CORO7: variants seen among roughly 807,000 people sequenced by gnomAD.
The protein encoded by CORO7 is coronin-7.
Under a neutral mutation model 126.6 loss-of-function variants are expected in CORO7, and 107 were observed. That is an observed-to-expected ratio of 0.85 (90% CI 0.72 to 0.99). The LOEUF is 0.99. Ranked by LOEUF, CORO7 falls within the 50% of genes least tolerant of loss-of-function variation. The pLI is 0.00. For missense variants in CORO7, 1,314 were observed against 1,255.8 expected (o/e 1.05, Z -0.70); for synonymous variants, 603 against 536.8 (o/e 1.12, Z -1.70).
At chr16:4,373,314 C>T (rs113417205) in intron 9 of CORO7, among the ~76,000 whole-genome samples, 3 of 152,150 alleles carry the variant, frequency 2.0e-5, no homozygotes, top group Non-Finnish European at 4.4e-5. Flanking sequence ...AGGGAGGATG[C>T]GCACACACAT....
chr16:4,381,243 C>T, intron 9 of CORO7: 1 of 1,611,948 alleles, frequency 6.2e-7, no homozygotes, highest in East Asian at 2.2e-5. Flanking sequence ...CCTTCCGTGG[C>T]CTGCGGCGCC....
chr16:4,373,187 G>T (rs1172843717), intron 9 of CORO7, among the ~76,000 whole-genome samples: 1 of 152,148 alleles, frequency 6.6e-6, no homozygotes, highest in Non-Finnish European at 1.5e-5. Context: ...TCTTCTCCCA[G>T]GGGAGTTGGC....
chr16:4,416,486 G>A lies in CORO7; in HGVS notation c.33C>T (p.His11=). The part of the protein sequence containing the change: MNRFRVSKFR[H]TEARPPRRES... ...CGCGGCGGGGCGGCCGAGCCTCGGT[G>A]TGCCGGAACTTGGACACCCTGAAGC... The change falls in exon 1 of 28, where the codon CAC becomes CAT. Residue 11 remains histidine, a synonymous_variant. Transcript: ENST00000251166. 2.5e-6 allele frequency: 4 copies of A among 1,579,470 alleles called. No homozygotes were observed. The highest frequency in any genetic ancestry group is 1.1e-5 in the South Asian group (1 of 87,530).
In CORO7 at chr16:4,359,769, C is replaced by T; in HGVS notation, c.2109-148G>A. 4 of 1,051,342 alleles carry T rather than the reference C, an allele frequency of 3.8e-6. No individual in the cohort carries two copies. The South Asian group carries it at 6.7e-5, about 18-fold the overall frequency. The allele number at this position is 1,051,342 out of a possible 1,614,324, so 65.1% of individuals were successfully genotyped here. A position where few individuals can be genotyped will look rare whatever the true frequency, so the allele number is the denominator to read the frequency against. On this transcript the variant is annotated intron_variant, in intron 21 of 27. Transcript: ENST00000251166. ...CACCGCAGCCACATCCTAACCTGCC[C>T]CTCCACCTCTGGGTTCCCCATTGAC...
At position 4,358,159 on chromosome 16, in the gene CORO7, G is replaced by A. The variant is rs959909966; in HGVS notation, c.2458-56C>T. On this transcript the variant is annotated intron_variant, in intron 24 of 27. Transcript: ENST00000251166. ...CATTGACCAGGTGCCCAGGGCACAC[G>A]GGCATCTGTTGGGGAGGGACAGGGC... 3.9e-5 allele frequency: 61 copies of A among 1,581,566 alleles called. No homozygotes were observed. In the South Asian group the frequency reaches 4.1e-4, roughly 11 times the overall value.
At position 4,365,690 on chromosome 16, in the gene CORO7, CCCT is replaced by C. The variant is rs2054326728; in HGVS notation, c.786-148_786-146del. The C allele has an allele frequency of 5.5e-6, 6 of 1,087,240 alleles. No individual in the cohort carries two copies. In the South Asian group the frequency reaches 9.5e-5, roughly 17 times the overall value. 67.3% of individuals were successfully genotyped at this position (1,087,240 alleles called of 1,614,324 possible). ...ATGTTCAGCCTGGTCCCCAGGAACCCCCTCCTCTTCCTGAGCTTCCCACATGCC... is the reference window on the plus strand; with the variant it reads ...ATGTTCAGCCTGGTCCCCAGGAACCCCCTCTTCCTGAGCTTCCCACATGCC... On this transcript the variant is annotated intron_variant, in intron 9 of 27. Coordinates refer to ENST00000251166, the MANE Select transcript of CORO7 (RefSeq NM_024535.5).
At chr16:4,357,051 G>A in intron 26 of CORO7, 117 bp downstream of exon 26, 1 of 1,329,844 alleles carries the variant, frequency 7.5e-7, no homozygotes, top group South Asian at 1.2e-5. Flanking sequence ...TGGTGTGAAG[G>A]GGACGTGACA....
rs1417611038 is a variant in CORO7 at position 4,362,328 on chromosome 16, T to C, written c.1403-168A>G. On this transcript the variant is annotated intron_variant, in intron 15 of 27. Coordinates refer to ENST00000251166, the MANE Select transcript of CORO7 (RefSeq NM_024535.5). The surrounding 1 kb of genome is among the most constrained non-coding windows in gnomAD (Gnocchi z 5.3). Reference sequence around the variant, plus strand: ...GGATGCAACTCGCCCAGGAATAATGTCTGGAATGATATACCCTGTTCCATG... The same window carrying C: ...GGATGCAACTCGCCCAGGAATAATGCCTGGAATGATATACCCTGTTCCATG... 6.6e-6 allele frequency among the ~76,000 whole-genome samples: 1 copy of C among 152,100 alleles called. No homozygotes were observed. Among genetic ancestry groups the C allele is most frequent in the East Asian group, 1.9e-4 (1 of 5,184 alleles).
chr16:4,413,460 A>C, intron 1 of CORO7, 56 bp from the exon 2 acceptor site: 1 of 1,506,608 alleles, frequency 6.6e-7, no homozygotes, highest in Non-Finnish European at 9.0e-7. Context: ...ACCTCCATGC[A>C]TGCCTAAAGC....
chr16:4,411,421 G>C (rs931722483), intron 3 of CORO7, among the ~76,000 whole-genome samples: 3 of 152,006 alleles, frequency 2.0e-5, no homozygotes, highest in African/African-American at 7.2e-5. Flanking sequence ...GGTAACGTTG[G>C]CTGGGCCTGG....
At chr16:4,403,303 T>C (rs1166139466) in intron 6 of CORO7, among the ~76,000 whole-genome samples, 1 of 152,076 alleles carries the variant, frequency 6.6e-6, no homozygotes, top group Non-Finnish European at 1.5e-5. Context: ...GGGTTTCCAG[T>C]GTAGGATGCC....
In CORO7 at chr16:4,357,980, C is replaced by T. The variant is rs2141174510; in HGVS notation, c.2581G>A (p.Asp861Asn). ...QPWLLSLQPP[D>N]MSPVSQAPRE... ...TCCCTCGGTGCACCTGGGCTCATGT[C>T]AGGAGGCTGCAGGCTGAGAAGCCAG... The change falls in exon 25 of 28, where the codon GAC (aspartate) becomes AAC (asparagine). Residue 861 changes from aspartate to asparagine, a missense_variant. Asp to Asn is a conservative substitution (Grantham distance 23). Coordinates refer to ENST00000251166, the MANE Select transcript of CORO7 (RefSeq NM_024535.5). 5 of 1,607,780 alleles carry T rather than the reference C, an allele frequency of 3.1e-6. No homozygotes were observed. Among genetic ancestry groups the T allele is most frequent in the Non-Finnish European group, 4.3e-6 (5 of 1,175,124 alleles).
chr16:4,373,046 C>T (rs1433490336), intron 9 of CORO7, among the ~76,000 whole-genome samples: 3 of 152,098 alleles, frequency 2.0e-5, no homozygotes, highest in African/African-American at 4.8e-5. Flanking sequence ...CGGGCTGGGA[C>T]CTTCCAAGCA....
chr16:4,356,814 T>A, intron 26 of CORO7: 1 of 274,650 alleles, frequency 3.6e-6, no homozygotes, highest in Non-Finnish European at 7.0e-6. Flanking sequence ...ACAGGGGGAG[T>A]AAGAGACTGA....
rs1186735280 is a variant in CORO7 at position 4,365,562 on chromosome 16, A to C, written c.786-17T>G. 1.9e-6 allele frequency: 3 copies of C among 1,572,148 alleles called. No individual in the cohort carries two copies. Among genetic ancestry groups the C allele is most frequent in the Admixed American group, 1.9e-5 (1 of 53,522 alleles). The stretch of plus-strand genomic sequence containing the variant: ...ACGAGACACCTGGGGAAGAGAGGGC[A>C]AGATGGCGGGTCAGGGCAGTGGGAG... On this transcript the variant is annotated splice_polypyrimidine_tract_variant and intron_variant, in intron 9 of 27. Coordinates refer to ENST00000251166, the MANE Select transcript of CORO7 (RefSeq NM_024535.5).
chr16:4,385,049 C>T (rs1398916405), intron 9 of CORO7, among the ~76,000 whole-genome samples: 2 of 152,158 alleles, frequency 1.3e-5, no homozygotes, highest in Non-Finnish European at 1.5e-5. Flanking sequence ...CAGATCAGGG[C>T]TTCGGGGAAG....
chr16:4,377,061 T>C (rs1325996299), intron 9 of CORO7, among the ~76,000 whole-genome samples: 2 of 152,052 alleles, frequency 1.3e-5, no homozygotes, highest in Admixed American at 1.3e-4. Flanking sequence ...CACTGCACAA[T>C]GGGGGCTGAG....
Position 4,361,082 on chromosome 16 carries a change from T to A in CORO7, c.1778A>T (p.His593Leu), listed in dbSNP as rs1238911930. The A allele has an allele frequency of 2.5e-6, 4 of 1,613,290 alleles. No individual in the cohort carries two copies. In the South Asian group the frequency reaches 4.4e-5, roughly 18 times the overall value. ...LTTPETVLTGHTEKICSLRFH... is the reference protein window; with the variant it reads ...LTTPETVLTGLTEKICSLRFH... Reference sequence around the variant, plus strand: ...GCGCAGGGAGCAGATCTTCTCCGTGTGGCCTGGAGGAAGGCAGGGGTGATC... The same window carrying A: ...GCGCAGGGAGCAGATCTTCTCCGTGAGGCCTGGAGGAAGGCAGGGGTGATC... The change falls in exon 19 of 28, where the codon CAC becomes CTC. Residue 593 changes from histidine to leucine, a missense_variant. Transcript: ENST00000251166.
chr16:4,357,753 G>A (rs573074892), intron 25 of CORO7: 18 of 488,710 alleles, frequency 3.7e-5, no homozygotes, highest in East Asian at 3.1e-4. Flanking sequence ...CAGTGTGTGC[G>A]TGTGTGTGTG....
Sources: gnomAD v4.1 joint callset for allele counts (sites outside exome capture counted in the v4.1 genomes callset) on GRCh38, gnomAD v4.1.1 for gene constraint, Gnocchi (gnomAD v3.1) non-coding constraint, MANE v1.5 for transcripts, NCBI Gene and HGNC (gene_info 2026-07-23, HGNC 2026-07-21) for gene names.